TNFSF10: variants seen among roughly 807,000 people sequenced by gnomAD.
The protein encoded by TNFSF10 is TNF superfamily member 10.
Under a neutral mutation model 29.5 loss-of-function variants are expected in TNFSF10, and 13 were observed. That is an observed-to-expected ratio of 0.44 (90% CI 0.29 to 0.70). TNFSF10 has a LOEUF of 0.70. Among genes scored for constraint, TNFSF10 ranks in the 30% least tolerant of loss-of-function variants. The probability of loss-of-function intolerance (pLI) is 0.13; values close to 1 mark genes in which losing one functional copy is unlikely to be tolerated. For synonymous variants in TNFSF10, 111 were observed against 112.8 expected, an observed-to-expected ratio of 0.98 and a Z score of 0.10; for missense variants, 345 against 330.9, an observed-to-expected ratio of 1.04 and a Z score of -0.33.
intron 1 of TNFSF10, 34 bp downstream of exon 1, chr3:172,523,219 G>C: frequency 6.5e-7 from 1 of 1,544,050 alleles, no homozygotes; most frequent in Non-Finnish European, 8.8e-7. Context: ...TTTGCTAAGC[G>C]CCTCGAAGAC....
chr3:172,520,202 GT>G (rs1293865559), intron 1 of TNFSF10, among the ~76,000 whole-genome samples: 1 of 152,136 alleles, frequency 6.6e-6, no homozygotes, highest in African/African-American at 2.4e-5. Flanking sequence ...AGTTCCAGGG[GT>G]TTTCATCGAG....
intron 1 of TNFSF10, among the ~76,000 whole-genome samples, chr3:172,515,612 T>C (rs941837045): frequency 6.6e-6 from 1 of 152,220 alleles, no homozygotes. Flanking sequence ...ATTAAATGTT[T>C]ACACTAACTA....
intron 4 of TNFSF10, among the ~76,000 whole-genome samples, chr3:172,508,243 C>T (rs1016820221): frequency 2.0e-5 from 3 of 151,154 alleles, no homozygotes; most frequent in Non-Finnish European, 2.9e-5. Context: ...TGCAGTGAGC[C>T]GAGATGGCAC....
intron 2 of TNFSF10, among the ~76,000 whole-genome samples, chr3:172,513,585 C>T (rs142892506): frequency 6.6e-6 from 1 of 152,228 alleles, no homozygotes; most frequent in Non-Finnish European, 1.5e-5. Flanking sequence ...TGTCAGGGCT[C>T]TACTGTGAAA....
chr3:172,519,953 G>A (rs967519734), intron 1 of TNFSF10, among the ~76,000 whole-genome samples: 21 of 152,340 alleles, frequency 1.4e-4, no homozygotes, highest in Middle Eastern at 3.4e-3. Flanking sequence ...ATCCCACTGT[G>A]GAGGGAAGAG....
Position 172,523,241 on chromosome 3 carries a change from C to T in TNFSF10, c.132+12G>A. The T allele has an allele frequency of 1.2e-6, 2 of 1,612,144 alleles. No individual in the cohort carries two copies. Among genetic ancestry groups the T allele is most frequent in the Non-Finnish European group, 1.7e-6 (2 of 1,178,582 alleles). On this transcript the variant is annotated intron_variant, in intron 1 of 4. Transcript: ENST00000241261. Reference sequence around the variant, plus strand: ...AGCGCCTCGAAGACTGAGTGCACTGCACTGCACTGACCTGCTTCAGCTCGT... The same window carrying T: ...AGCGCCTCGAAGACTGAGTGCACTGTACTGCACTGACCTGCTTCAGCTCGT...
intron 1 of TNFSF10, among the ~76,000 whole-genome samples, chr3:172,522,885 A>G (rs1378458826): frequency 6.6e-6 from 1 of 152,244 alleles, no homozygotes; most frequent in East Asian, 1.9e-4. Context: ...ATGTGCACAA[A>G]TAAAAGTTTG....
chr3:172,506,636 A>G lies in TNFSF10; in HGVS notation c.702T>C (p.Asp234=). Reference sequence around the variant, plus strand: ...AGATGGAATAGAGTCCATATTCTGCATCTTTAGACCAACAACTATTTCTAG... The same window carrying G: ...AGATGGAATAGAGTCCATATTCTGCGTCTTTAGACCAACAACTATTTCTAG... ...KSARNSCWSK[D]AEYGLYSIYQ... is the part of the protein sequence containing the mutation. The change falls in exon 5 of 5, where the codon GAT becomes GAC. Residue 234 remains aspartate (D), a synonymous_variant. Transcript: ENST00000241261. 1 of 1,614,190 alleles carries G rather than the reference A, an allele frequency of 6.2e-7. No individual in the cohort carries two copies. Among genetic ancestry groups the G allele is most frequent in the African/African-American group, 1.3e-5 (1 of 75,064 alleles).
intron 4 of TNFSF10, among the ~76,000 whole-genome samples, chr3:172,508,385 G>C (rs1347367764): frequency 6.6e-6 from 1 of 152,086 alleles, no homozygotes; most frequent in East Asian, 1.9e-4. Flanking sequence ...TAAATTAGAT[G>C]TAACATATAT....
chr3:172,508,704 A>G (rs1157515178), intron 4 of TNFSF10, among the ~76,000 whole-genome samples: 6 of 152,178 alleles, frequency 3.9e-5, no homozygotes, highest in African/African-American at 1.4e-4. Flanking sequence ...AGCCTGACCA[A>G]CATGGAGAAA....
At chr3:172,514,819 C>T in intron 2 of TNFSF10, 42 bp downstream of exon 2, 1 of 1,608,208 alleles carries the variant, frequency 6.2e-7, no homozygotes, top group Non-Finnish European at 8.5e-7. Flanking sequence ...TTCTTCTGGC[C>T]TTCTCCGCCT....
intron 3 of TNFSF10, among the ~76,000 whole-genome samples, chr3:172,510,600 T>C (rs1713180869): frequency 1.3e-5 from 2 of 152,126 alleles, no homozygotes; most frequent in South Asian, 4.1e-4. Flanking sequence ...TATACAGAGT[T>C]GTGTTTCACC....
At chr3:172,517,011 G>A (rs1222828861) in intron 1 of TNFSF10, among the ~76,000 whole-genome samples, 1 of 152,240 alleles carries the variant, frequency 6.6e-6, no homozygotes, top group East Asian at 1.9e-4. Context: ...GAACAAGCAG[G>A]CTCACAAGTC....
chr3:172,509,462 A>G (rs1713128268), intron 3 of TNFSF10, 141 bp from the exon 4 acceptor site: 1 of 566,260 alleles, frequency 1.8e-6, no homozygotes, highest in Non-Finnish European at 3.0e-6. Context: ...TAAAAATAAC[A>G]TTTTGATATT....
chr3:172,516,931 C>T (rs185505127), intron 1 of TNFSF10, among the ~76,000 whole-genome samples: 9 of 152,368 alleles, frequency 5.9e-5, no homozygotes, highest in African/African-American at 2.2e-4. Flanking sequence ...GAAGAGCAAA[C>T]TTTCCCTGGA....
intron 2 of TNFSF10, among the ~76,000 whole-genome samples, chr3:172,513,053 G>A (rs1160077407): frequency 6.6e-6 from 1 of 152,224 alleles, no homozygotes; most frequent in African/African-American, 2.4e-5. Context: ...AAAAGAAAAA[G>A]AGAATTATTT....
intron 4 of TNFSF10, among the ~76,000 whole-genome samples, chr3:172,507,681 C>T (rs1007946394): frequency 6.6e-6 from 1 of 152,184 alleles, no homozygotes; most frequent in Non-Finnish European, 1.5e-5. Context: ...TAATAATCCC[C>T]TCACTTGTAG....
intron 3 of TNFSF10, 35 bp downstream of exon 3, chr3:172,511,582 G>A: frequency 1.3e-6 from 2 of 1,565,782 alleles, no homozygotes; most frequent in Non-Finnish European, 1.7e-6. Flanking sequence ...GAAGATGACA[G>A]TAAAAAATTA....
Position 172,523,363 on chromosome 3 carries a change from C to A in TNFSF10, c.22G>T (p.Gly8Trp). MAMMEVQ[G>W]GPSLGQTCVL... ...CAGGTCTGTCCCAGGCTGGGTCCCC[C>A]CTGGACCTCCATCATAGCCATGATC... The change falls in exon 1 of 5, where the codon GGG becomes TGG. Residue 8 changes from glycine (G) to tryptophan (W), a missense_variant. Coordinates refer to ENST00000241261, the MANE Select transcript of TNFSF10 (RefSeq NM_003810.4). 1.2e-6 allele frequency: 2 copies of A among 1,613,928 alleles called. No homozygotes were observed. The highest frequency in any genetic ancestry group is 1.7e-6 in the Non-Finnish European group (2 of 1,179,824).
Sources: gnomAD v4.1 joint callset for allele counts (sites outside exome capture counted in the v4.1 genomes callset) on GRCh38, gnomAD v4.1.1 for gene constraint, MANE v1.5 for transcripts, NCBI Gene and HGNC (gene_info 2026-07-23, HGNC 2026-07-21) for gene names.